The following KHDRBS2 variants were observed in gnomAD, a reference collection of about 807,000 sequenced individuals.
KHDRBS2 encodes KH RNA binding domain containing, signal transduction associated 2, also known as KH domain-containing, RNA-binding, signal transduction-associated protein 2.
A neutral mutation model predicts 44.3 loss-of-function variants in KHDRBS2; 26 were observed. The ratio of observed to expected loss-of-function variants is 0.59; its 90% CI spans 0.43 to 0.81. The LOEUF is 0.81. KHDRBS2 is among the 40% of genes least tolerant of loss of function. The pLI, the probability that KHDRBS2 is intolerant of heterozygous loss-of-function variation, is 0.00. For missense variants in KHDRBS2, 476 were observed against 433.1 expected, an observed-to-expected ratio of 1.10 and a Z score of -0.88; for synonymous variants, 194 against 151.1, an observed-to-expected ratio of 1.28 and a Z score of -2.08.
At chr6:61,544,268 A>T in the KHDRBS2 span, among the ~76,000 whole-genome samples, 3,716 of 152,166 alleles carry the variant, frequency 0.024, 70 homozygotes, top group Middle Eastern at 0.085. Flanking sequence ...TATAAGTTTT[A>T]AAAAAGCATT....
chr6:61,740,089 T>G (rs1014171292), intron 6 of KHDRBS2, among the ~76,000 whole-genome samples: 2 of 151,880 alleles, frequency 1.3e-5, no homozygotes, highest in Non-Finnish European at 2.9e-5. Flanking sequence ...AAGAAAGCAC[T>G]CCAAGAGTAT....
At chr6:62,195,147 T>G (rs1014195765) in intron 1 of KHDRBS2, among the ~76,000 whole-genome samples, 2 of 152,172 alleles carry the variant, frequency 1.3e-5, no homozygotes, top group African/African-American at 4.8e-5. Flanking sequence ...CATGCCCTTA[T>G]TTGTTAAATT....
At chr6:61,562,920 C>T in the KHDRBS2 span, among the ~76,000 whole-genome samples, 7 of 152,086 alleles carry the variant, frequency 4.6e-5, no homozygotes, top group South Asian at 2.1e-4. Context: ...GTATATAATG[C>T]GTTATATCTG....
chr6:61,744,000 G>A (rs1776531987), intron 6 of KHDRBS2, among the ~76,000 whole-genome samples: 1 of 151,958 alleles, frequency 6.6e-6, no homozygotes. Context: ...TGGTGTATAT[G>A]TGCCACATTT....
At chr6:61,951,901 C>A (rs5026648) in intron 4 of KHDRBS2, among the ~76,000 whole-genome samples, 51,244 of 151,480 alleles carry the variant, frequency 0.34, 8,838 homozygotes, top group Middle Eastern at 0.4. Flanking sequence ...TCTGTAGTTA[C>A]AATTTTTTCA....
At chr6:62,246,246 A>G (rs1376104691) in intron 1 of KHDRBS2, among the ~76,000 whole-genome samples, 1 of 151,520 alleles carries the variant, frequency 6.6e-6, no homozygotes, top group Non-Finnish European at 1.5e-5. Flanking sequence ...ATCATAGTGA[A>G]GTATCTACAA....
chr6:62,075,178 G>A (rs1796093171), intron 2 of KHDRBS2, among the ~76,000 whole-genome samples: 1 of 151,882 alleles, frequency 6.6e-6, no homozygotes, highest in African/African-American at 2.4e-5. Flanking sequence ...CCTCCAAGGT[G>A]ATGGTATTAA....
chr6:61,817,916 A>C (rs1789243107), intron 6 of KHDRBS2, among the ~76,000 whole-genome samples: 4 of 152,048 alleles, frequency 2.6e-5, no homozygotes. Flanking sequence ...CTGTAATTAG[A>C]GTGTTGATAT....
the KHDRBS2 span, among the ~76,000 whole-genome samples, chr6:61,571,808 A>G: frequency 3.1e-4 from 47 of 152,226 alleles, no homozygotes; most frequent in South Asian, 3.9e-3. Flanking sequence ...GACAGCATAC[A>G]TTGTACAAAA....
At chr6:61,737,953 C>T (rs1775626825) in intron 6 of KHDRBS2, among the ~76,000 whole-genome samples, 1 of 151,758 alleles carries the variant, frequency 6.6e-6, no homozygotes, top group African/African-American at 2.4e-5. Flanking sequence ...AGATAAATCA[C>T]TAAAATAGAC....
chr6:61,823,443 A>T (rs2127254240), intron 6 of KHDRBS2, among the ~76,000 whole-genome samples: 1 of 152,210 alleles, frequency 6.6e-6, no homozygotes, highest in Non-Finnish European at 1.5e-5. Flanking sequence ...CTCTTTATAT[A>T]AAAAGATTGC....
At chr6:61,787,420 C>T (rs1344113984) in intron 6 of KHDRBS2, among the ~76,000 whole-genome samples, 1 of 151,722 alleles carries the variant, frequency 6.6e-6, no homozygotes, top group Non-Finnish European at 1.5e-5. Context: ...AGATACTATT[C>T]TACAATGTGA....
the KHDRBS2 span, among the ~76,000 whole-genome samples, chr6:61,635,580 G>T: frequency 1.3e-5 from 2 of 151,908 alleles, no homozygotes; most frequent in South Asian, 2.1e-4. Flanking sequence ...AATGTTTCAT[G>T]TTGCAAAGGG....
rs1426375348 is a variant in KHDRBS2, at chr6:62,107,187, G to C, written c.220-59193C>G. 2.0e-5 allele frequency among the ~76,000 whole-genome samples: 3 copies of C among 152,012 alleles called. 1 individual carries two copies. The South Asian group carries it at 6.2e-4, about 32-fold the overall frequency. On this transcript the variant is annotated intron_variant, in intron 2 of 8. Coordinates refer to ENST00000281156, the MANE Select transcript of KHDRBS2 (RefSeq NM_152688.4). ...TGCAGATGACATGATTGTATATCTA[G>C]AAAACCCCATTGTCTCAGCCCAAAA...
the KHDRBS2 span, among the ~76,000 whole-genome samples, chr6:61,549,129 T>C: frequency 6.6e-6 from 1 of 152,000 alleles, no homozygotes; most frequent in African/African-American, 2.4e-5. Flanking sequence ...TAGAAGACAA[T>C]AGGGAGATTA....
chr6:61,624,940 T>C, the KHDRBS2 span, among the ~76,000 whole-genome samples: 2 of 152,090 alleles, frequency 1.3e-5, no homozygotes, highest in Middle Eastern at 3.2e-3. Context: ...AACTACAAGA[T>C]AGAGCTGCTC....
chr6:61,965,107 G>A (rs9453771), intron 4 of KHDRBS2, among the ~76,000 whole-genome samples: 1 of 152,050 alleles, frequency 6.6e-6, no homozygotes, highest in Admixed American at 6.6e-5. Context: ...CTAGGGCTGA[G>A]ATGTAAAAAT....
chr6:61,600,217 A>G, the KHDRBS2 span, among the ~76,000 whole-genome samples: 1 of 152,184 alleles, frequency 6.6e-6, no homozygotes. Context: ...CTAAGCCATC[A>G]TATCCCTTGT....
At chr6:61,559,180 C>A in the KHDRBS2 span, among the ~76,000 whole-genome samples, 1 of 152,008 alleles carries the variant, frequency 6.6e-6, no homozygotes. Context: ...ACTATTTTGT[C>A]TTTTCCTAAA....
Sources: allele counts gnomAD v4.1 joint callset (sites outside exome capture counted in the v4.1 genomes callset), GRCh38; gene constraint gnomAD v4.1.1; transcripts MANE v1.5; gene names NCBI Gene and HGNC (gene_info 2026-07-23, HGNC 2026-07-21).